DNAH11: variants seen among roughly 807,000 people sequenced by gnomAD.
DNAH11 encodes the protein axonemal beta dynein heavy chain 11.
A neutral mutation model predicts 526.0 loss-of-function variants in DNAH11; 442 were observed. The observed-to-expected ratio is 0.84, with a 90% CI of 0.78 to 0.91. The LOEUF (loss-of-function observed/expected upper bound fraction) is 0.91. Ranked by LOEUF, DNAH11 falls within the 40% of genes least tolerant of loss-of-function variation. The pLI is 0.00. For missense variants in DNAH11, 6,989 were observed against 5,448.7 expected (o/e 1.28, Z -8.90); for synonymous variants, 2,461 against 1,935.9 (o/e 1.27, Z -7.12).
chr7:21,552,960 C>T (rs1204569205), intron 2 of DNAH11, among the ~76,000 whole-genome samples: 4 of 151,866 alleles, frequency 2.6e-5, no homozygotes. Flanking sequence ...GGCTTTTTGA[C>T]TGAGAGAATT....
intron 20 of DNAH11, among the ~76,000 whole-genome samples, chr7:21,610,190 C>G (rs1224226549): frequency 1.3e-5 from 2 of 152,132 alleles, no homozygotes; most frequent in East Asian, 1.9e-4. Flanking sequence ...GGAGGTGTAG[C>G]TTGCAGTGAG....
chr7:21,690,735 T>G, intron 34 of DNAH11, 30 bp from the exon 35 acceptor site: 1 of 1,537,326 alleles, frequency 6.5e-7, no homozygotes, highest in Non-Finnish European at 8.9e-7. Context: ...ATGAACACAT[T>G]TAATTTCATC....
Position 21,833,392 on chromosome 7 carries a change from A to T in DNAH11, c.10692-9152A>T, listed in dbSNP as rs1781863460. Among the ~76,000 whole-genome samples the T allele has an allele frequency of 2.6e-5, 4 of 152,176 alleles. No individual in the cohort carries two copies. The South Asian group carries it at 8.3e-4, about 31-fold the overall frequency. ...GAATTCAACCCAAGGTAGAGTGGCA[A>T]TGAAAAGATGACAGGATGGGCTGGG... is the stretch of plus-strand genomic sequence containing the variant. On this transcript the variant is annotated intron_variant, in intron 65 of 81. Transcript: ENST00000409508.
intron 28 of DNAH11, among the ~76,000 whole-genome samples, chr7:21,641,128 T>C (rs1787109047): frequency 6.6e-6 from 1 of 152,204 alleles, no homozygotes; most frequent in South Asian, 2.1e-4. Flanking sequence ...TGGTTCCATC[T>C]TCCTCCTCCT....
In DNAH11 at chr7:21,901,585, A is replaced by C; in HGVS notation, c.*331A>C. On this transcript the variant is annotated 3_prime_UTR_variant, in exon 82 of 82. Coordinates refer to ENST00000409508, the MANE Select transcript of DNAH11 (RefSeq NM_001277115.2). ...CTCCATCTCAAAAAAAAAAAAGTAC[A>C]TCATAAAAGTACATCATATGTGAAC... 5.6e-6 allele frequency: 1 copy of C among 179,910 alleles called. No homozygotes were observed. 11.1% of individuals were successfully genotyped at this position (179,910 alleles called of 1,614,324 possible).
rs377203039 is a variant in DNAH11 at position 21,725,795 on chromosome 7, C to A, written c.7267-16C>A. 44 of 1,601,174 alleles carry A rather than the reference C, an allele frequency of 2.7e-5. No individual in the cohort carries two copies. In the African/African-American group the frequency reaches 4.1e-4, roughly 15 times the overall value. On this transcript the variant is annotated splice_polypyrimidine_tract_variant and intron_variant, in intron 44 of 81. Coordinates refer to ENST00000409508, the MANE Select transcript of DNAH11 (RefSeq NM_001277115.2). ...TACTTTGAGTCTGCAATAAGGATTT[C>A]TTTTGTTCTCCTTAGATTTCTGATT...
chr7:21,849,123 G>A (rs914103148), intron 66 of DNAH11, among the ~76,000 whole-genome samples: 2 of 152,190 alleles, frequency 1.3e-5, no homozygotes, highest in East Asian at 1.9e-4. Flanking sequence ...GACCTCAGGT[G>A]TTCCACCTGC....
intron 14 of DNAH11, among the ~76,000 whole-genome samples, chr7:21,596,607 C>T (rs969902674): frequency 6.6e-6 from 1 of 152,070 alleles, no homozygotes; most frequent in African/African-American, 2.4e-5. Context: ...ATGTACTCCC[C>T]AAACTCTAAG....
At chr7:21,720,421 A>G (rs1784829318) in intron 43 of DNAH11, among the ~76,000 whole-genome samples, 1 of 150,706 alleles carries the variant, frequency 6.6e-6, no homozygotes, top group African/African-American at 2.5e-5. Context: ...AAAAGTGAAT[A>G]TGTACCCTTT....
At chr7:21,812,321 G>T (rs1789560087) in intron 63 of DNAH11, among the ~76,000 whole-genome samples, 1 of 151,978 alleles carries the variant, frequency 6.6e-6, no homozygotes, top group Admixed American at 6.6e-5. Flanking sequence ...TTGACTTGCA[G>T]GGAAGAAAGA....
At chr7:21,598,598 TAAATA>T (rs1276015439) in intron 14 of DNAH11, among the ~76,000 whole-genome samples, 1 of 107,372 alleles carries the variant, frequency 9.3e-6, no homozygotes, top group African/African-American at 3.7e-5. Context: ...AATAAATAAA[TAAATA>T]AATAAATAAA....
chr7:21,661,190 C>T (rs1782229680), intron 30 of DNAH11, among the ~76,000 whole-genome samples: 1 of 152,026 alleles, frequency 6.6e-6, no homozygotes, highest in African/African-American at 2.4e-5. Flanking sequence ...TAAAATTATC[C>T]ATTAATTATG....
chr7:21,764,093 A>T (rs1787057842), intron 54 of DNAH11, among the ~76,000 whole-genome samples: 1 of 152,116 alleles, frequency 6.6e-6, no homozygotes, highest in Admixed American at 6.6e-5. Context: ...TGCAAGGTGA[A>T]AAAGTTCTAG....
In DNAH11 at chr7:21,838,811, C is replaced by CAG. The variant is rs1174654139; in HGVS notation, c.10692-3733_10692-3732insAG. ...GTGGCCTGATCACAGCTCACGGCAG[C>CAG]CTCGACCTCCCAAGGCTCAGGTGAT... On this transcript the variant is annotated intron_variant, in intron 65 of 81. Transcript: ENST00000409508. Among the ~76,000 whole-genome samples the CAG allele has an allele frequency of 3.4e-3, 516 of 152,076 alleles. 2 individuals carry two copies. The highest frequency in any genetic ancestry group is 0.012 in the African/African-American group (488 of 41,460).
intron 18 of DNAH11, among the ~76,000 whole-genome samples, chr7:21,605,321 T>C (rs2128448516): frequency 6.6e-6 from 1 of 152,348 alleles, no homozygotes; most frequent in South Asian, 2.1e-4. Context: ...GACAAAACAA[T>C]TTCACTGTCC....
rs35349937 is a variant in DNAH11, at chr7:21,875,877, CTTTTTTTTTTTT to C, written c.12195+2389_12195+2400del. ...TTAGGAACTTCAAGGAAGAATATTT[CTTTTTTTTTTTT>C]TTTTTTTTTTTTGAGACAGAGTCTC... On this transcript the variant is annotated intron_variant, in intron 74 of 81. Coordinates refer to ENST00000409508, the MANE Select transcript of DNAH11 (RefSeq NM_001277115.2). Among the ~76,000 whole-genome samples the C allele has an allele frequency of 3.8e-5, 3 of 78,914 alleles. No individual in the cohort carries two copies. The East Asian group carries it at 1.2e-3, about 32-fold the overall frequency. The allele number at this position is 78,914 out of a possible 152,430, so 51.8% of individuals were successfully genotyped here. A position where few individuals can be genotyped will look rare whatever the true frequency, so the allele number is the denominator to read the frequency against.
chr7:21,727,168 C>T lies in DNAH11; in HGVS notation c.7440+1184C>T, dbSNP rs531568737. ...CAGGATGATCTCGATCTCCTGACCT[C>T]GTGATCCGCCCACCTCGGCCTCCCA... is the stretch of plus-strand genomic sequence containing the variant. On this transcript the variant is annotated intron_variant, in intron 45 of 81. Transcript: ENST00000409508. 3.3e-5 allele frequency among the ~76,000 whole-genome samples: 5 copies of T among 151,844 alleles called. No individual in the cohort carries two copies. The South Asian group carries it at 8.3e-4, about 25-fold the overall frequency.
chr7:21,732,921 T>G (rs1583639640), intron 45 of DNAH11, among the ~76,000 whole-genome samples: 1 of 152,230 alleles, frequency 6.6e-6, no homozygotes, highest in Non-Finnish European at 1.5e-5. Flanking sequence ...TTCTGCAGAC[T>G]GGGCCATGTG....
In DNAH11 at chr7:21,901,013, G is replaced by A. The variant is rs775606157; in HGVS notation, c.13310G>A (p.Arg4437His). The change falls in exon 82 of 82, where the codon CGC becomes CAC. Residue 4437 changes from arginine to histidine, a missense_variant. Arg to His is a conservative substitution (Grantham distance 29, BLOSUM62 0). Transcript: ENST00000409508. ...CGCTGTGTTTTTGCCATAGGCGCCC[G>A]CTGGGACACCCAAGCAGGAACCATT... ...YLHGLFMEGARWDTQAGTIVE... is the reference protein window; with the variant it reads ...YLHGLFMEGAHWDTQAGTIVE... 2.4e-5 allele frequency: 38 copies of A among 1,591,156 alleles called. No homozygotes were observed. The highest frequency in any genetic ancestry group is 5.4e-5 in the African/African-American group (4 of 74,030).
Sources: gnomAD v4.1 joint callset for allele counts (sites outside exome capture counted in the v4.1 genomes callset) on GRCh38, gnomAD v4.1.1 for gene constraint, MANE v1.5 for transcripts, NCBI Gene and HGNC (gene_info 2026-07-23, HGNC 2026-07-21) for gene names.